Variants in KHDRBS2 observed in about 807,000 individuals in gnomAD.
KHDRBS2 encodes the protein KH RNA binding domain containing, signal transduction associated 2, also known as KH domain-containing, RNA-binding, signal transduction-associated protein 2.
Under a neutral mutation model 44.3 loss-of-function variants are expected in KHDRBS2, and 26 were observed. The ratio of observed to expected loss-of-function variants is 0.59; its 90% CI spans 0.43 to 0.81. The LOEUF is 0.81. Ranked by LOEUF, KHDRBS2 falls within the 40% of genes least tolerant of loss-of-function variation. KHDRBS2 has a pLI of 0.00. For missense variants in KHDRBS2, 476 were observed against 433.1 expected, an observed-to-expected ratio of 1.10 and a Z score of -0.88; for synonymous variants, 194 against 151.1, an observed-to-expected ratio of 1.28 and a Z score of -2.08.
At position 61,986,107 on chromosome 6, in the gene KHDRBS2, G is replaced by T. The variant is rs532164877; in HGVS notation, c.337-7895C>A. 2.6e-5 allele frequency among the ~76,000 whole-genome samples: 4 copies of T among 152,258 alleles called. No individual in the cohort carries two copies. In the East Asian group the frequency reaches 7.7e-4, roughly 29 times the overall value. On this transcript the variant is annotated intron_variant, in intron 3 of 8. Transcript: ENST00000281156. The stretch of plus-strand genomic sequence containing the variant: ...TTATCTGTGATGTTTGAAGAAAGTT[G>T]TTTAATTTTTAAGCTTTAGCTTCTT...
intron 2 of KHDRBS2, among the ~76,000 whole-genome samples, chr6:62,106,953 A>G (rs558562053): frequency 6.6e-6 from 1 of 152,116 alleles, no homozygotes; most frequent in African/African-American, 2.4e-5. Flanking sequence ...CAAAATAATA[A>G]GAGCCATCTA....
chr6:62,241,607 G>A (rs1402316752), intron 1 of KHDRBS2, among the ~76,000 whole-genome samples: 1 of 152,012 alleles, frequency 6.6e-6, no homozygotes, highest in East Asian at 1.9e-4. Flanking sequence ...AAGAGTTCAG[G>A]TCTAGACCCA....
At chr6:61,781,185 C>T (rs1300728740) in intron 6 of KHDRBS2, among the ~76,000 whole-genome samples, 2 of 152,092 alleles carry the variant, frequency 1.3e-5, no homozygotes, top group Non-Finnish European at 2.9e-5. Context: ...TGCATTTTAT[C>T]TCCAAATGCC....
chr6:61,875,367 C>A (rs1023810587), intron 6 of KHDRBS2, among the ~76,000 whole-genome samples: 2 of 151,982 alleles, frequency 1.3e-5, no homozygotes, highest in African/African-American at 4.8e-5. Flanking sequence ...CTAAGCTTGT[C>A]CATAAAAGTC....
At chr6:62,138,280 A>T (rs144147390) in intron 2 of KHDRBS2, among the ~76,000 whole-genome samples, 1 of 152,284 alleles carries the variant, frequency 6.6e-6, no homozygotes, top group East Asian at 1.9e-4. Flanking sequence ...ACTGTTTTTC[A>T]ACAGCTGTGC....
intron 1 of KHDRBS2, among the ~76,000 whole-genome samples, chr6:62,219,583 A>G (rs1830544809): frequency 6.6e-6 from 1 of 151,396 alleles, no homozygotes; most frequent in Non-Finnish European, 1.5e-5. Flanking sequence ...TTAGAAGAAA[A>G]TTCACTATAG....
chr6:61,749,891 G>A, intron 6 of KHDRBS2, among the ~76,000 whole-genome samples: 1 of 152,094 alleles, frequency 6.6e-6, no homozygotes, highest in Non-Finnish European at 1.5e-5. Flanking sequence ...AGTCTTTGAT[G>A]ATTAAAAGAC....
chr6:62,177,610 A>G (rs1821414415), intron 1 of KHDRBS2, among the ~76,000 whole-genome samples: 1 of 151,546 alleles, frequency 6.6e-6, no homozygotes, highest in South Asian at 2.1e-4. Context: ...ACACAACAAA[A>G]AGGTAATATA....
the KHDRBS2 span, among the ~76,000 whole-genome samples, chr6:61,603,523 G>T: frequency 6.6e-6 from 1 of 152,016 alleles, no homozygotes; most frequent in Non-Finnish European, 1.5e-5. Context: ...CACAAGAGCC[G>T]GGACCATGCC....
chr6:61,678,088 G>C (rs1159717452), downstream of KHDRBS2, among the ~76,000 whole-genome samples: 9 of 144,630 alleles, frequency 6.2e-5, no homozygotes, highest in African/African-American at 2.0e-4. Flanking sequence ...TTAAACATCA[G>C]ACCAAGTCGA....
intron 1 of KHDRBS2, among the ~76,000 whole-genome samples, chr6:62,200,782 A>G (rs914482170): frequency 3.3e-5 from 5 of 152,188 alleles, no homozygotes; most frequent in African/African-American, 1.2e-4. Context: ...GGACACATGC[A>G]CATGTATGTT....
chr6:61,913,617 TG>T (rs1408888251), intron 4 of KHDRBS2, among the ~76,000 whole-genome samples: 1 of 151,746 alleles, frequency 6.6e-6, no homozygotes, highest in Non-Finnish European at 1.5e-5. Flanking sequence ...CATTCTAATG[TG>T]GGGAAAGACT....
At position 62,196,226 on chromosome 6, in the gene KHDRBS2, T is replaced by G. The variant is rs145787629; in HGVS notation, c.92-18914A>C. Among the ~76,000 whole-genome samples, 184 of 152,278 alleles carry G rather than the reference T, an allele frequency of 1.2e-3. 2 individuals are homozygous for G. Among genetic ancestry groups the G allele is most frequent in the African/African-American group, 4.1e-3 (172 of 41,582 alleles). On this transcript the variant is annotated intron_variant, in intron 1 of 8. Coordinates refer to ENST00000281156, the MANE Select transcript of KHDRBS2 (RefSeq NM_152688.4). Reference sequence around the variant, plus strand: ...CAAATGGAATCTCCTATAGAATAAGTTGAAATATTTGGAGTTATAAGCCAA... The same window carrying G: ...CAAATGGAATCTCCTATAGAATAAGGTGAAATATTTGGAGTTATAAGCCAA...
intron 3 of KHDRBS2, among the ~76,000 whole-genome samples, chr6:62,046,453 T>C (rs1037203036): frequency 1.3e-5 from 2 of 151,970 alleles, no homozygotes; most frequent in Admixed American, 1.3e-4. Flanking sequence ...TAGCCTATTA[T>C]AGGAGTTCAG....
chr6:62,108,063 G>T, intron 2 of KHDRBS2, among the ~76,000 whole-genome samples: 1 of 152,138 alleles, frequency 6.6e-6, no homozygotes, highest in East Asian at 1.9e-4. Context: ...AACACCAAAA[G>T]CAATGGCAAC....
At chr6:61,668,675 T>C in the KHDRBS2 span, among the ~76,000 whole-genome samples, 2 of 151,122 alleles carry the variant, frequency 1.3e-5, no homozygotes, top group Non-Finnish European at 3.0e-5. Context: ...CTTTTGTTTT[T>C]CACATTACTA....
intron 6 of KHDRBS2, among the ~76,000 whole-genome samples, chr6:61,856,961 T>C (rs1796247288): frequency 1.3e-5 from 2 of 152,178 alleles, no homozygotes; most frequent in Admixed American, 1.3e-4. Flanking sequence ...AGTTATAAGA[T>C]TGAAGACTCT....
chr6:61,887,066 C>T (rs533041793), intron 6 of KHDRBS2, among the ~76,000 whole-genome samples: 3 of 151,180 alleles, frequency 2.0e-5, no homozygotes, highest in South Asian at 2.1e-4. Context: ...TACAGGATAC[C>T]TTATGGTTCT....
At chr6:62,189,454 T>C (rs1442573958) in intron 1 of KHDRBS2, among the ~76,000 whole-genome samples, 1 of 152,050 alleles carries the variant, frequency 6.6e-6, no homozygotes, top group Non-Finnish European at 1.5e-5. Flanking sequence ...AGATAGTAAG[T>C]GTTTGCCATT....
Sources: gnomAD v4.1 joint callset for allele counts (sites outside exome capture counted in the v4.1 genomes callset) on GRCh38, gnomAD v4.1.1 for gene constraint, MANE v1.5 for transcripts, NCBI Gene and HGNC (gene_info 2026-07-23, HGNC 2026-07-21) for gene names.